The following RIT2 variants were observed in gnomAD, a reference collection of about 807,000 sequenced individuals.
RIT2 encodes the protein Ras like without CAAX 2.
RIT2 carries 24 observed loss-of-function variants against 23.7 expected under a neutral mutation model. The observed-to-expected ratio is 1.01, with a 90% CI of 0.73 to 1.43. The LOEUF is 1.43. Among genes scored for constraint, RIT2 ranks in the 40% most tolerant of loss-of-function variants. The pLI, the probability that RIT2 is intolerant of heterozygous loss-of-function variation, is 0.00. For missense variants in RIT2, 236 were observed against 266.9 expected, an observed-to-expected ratio of 0.88 and a Z score of 0.81; for synonymous variants, 107 against 91.1, an observed-to-expected ratio of 1.17 and a Z score of -0.99.
intron 3 of RIT2, among the ~76,000 whole-genome samples, chr18:42,958,330 T>C (rs1476975615): frequency 6.6e-6 from 1 of 152,168 alleles, no homozygotes; most frequent in African/African-American, 2.4e-5. Flanking sequence ...TAAAAAATTA[T>C]TGACCAAGAT....
chr18:42,984,083 A>G (rs1239495742), intron 2 of RIT2, among the ~76,000 whole-genome samples: 1 of 152,158 alleles, frequency 6.6e-6, no homozygotes, highest in Non-Finnish European at 1.5e-5. Context: ...TCACACATGA[A>G]CACAAAGAAA....
At chr18:42,814,955 C>T (rs1905953748) in intron 4 of RIT2, among the ~76,000 whole-genome samples, 2 of 152,162 alleles carry the variant, frequency 1.3e-5, no homozygotes, top group African/African-American at 2.4e-5. Context: ...CAGGAAGTCA[C>T]ATCCATAGGA....
chr18:43,012,199 C>T (rs1428739288), intron 2 of RIT2, among the ~76,000 whole-genome samples: 1 of 151,812 alleles, frequency 6.6e-6, no homozygotes, highest in Non-Finnish European at 1.5e-5. Context: ...TTACTGCAGA[C>T]TGAGCATTAC....
At chr18:42,755,457 C>T (rs1199538351) in intron 4 of RIT2, among the ~76,000 whole-genome samples, 1 of 152,292 alleles carries the variant, frequency 6.6e-6, no homozygotes, top group South Asian at 2.1e-4. Context: ...ATCACCTCCA[C>T]TGAGACACCT....
intron 1 of RIT2, among the ~76,000 whole-genome samples, 156 bp downstream of exon 1, chr18:43,115,261 A>C (rs1914041238): frequency 6.6e-6 from 1 of 152,162 alleles, no homozygotes; most frequent in Non-Finnish European, 1.5e-5. Flanking sequence ...TCGGTTTAAC[A>C]GTCCTGACAC....
chr18:42,897,249 T>TGA (rs762854080), intron 4 of RIT2, among the ~76,000 whole-genome samples: 52 of 152,108 alleles, frequency 3.4e-4, no homozygotes, highest in African/African-American at 1.2e-3. Flanking sequence ...GTTTCAGTCC[T>TGA]GAGAGAGAGA....
intron 1 of RIT2, among the ~76,000 whole-genome samples, chr18:43,042,973 A>G (rs1444932908): frequency 6.6e-6 from 1 of 152,200 alleles, no homozygotes; most frequent in South Asian, 2.1e-4. Context: ...ATTTTCCACT[A>G]TTAAATAACT....
At chr18:42,939,671 T>A (rs1276677404) in intron 3 of RIT2, among the ~76,000 whole-genome samples, 1 of 152,052 alleles carries the variant, frequency 6.6e-6, no homozygotes, top group Non-Finnish European at 1.5e-5. Context: ...TATAAAGTTT[T>A]TTTGCAAAGA....
At chr18:43,047,314 G>A (rs1038799861) in intron 1 of RIT2, among the ~76,000 whole-genome samples, 2 of 151,724 alleles carry the variant, frequency 1.3e-5, no homozygotes, top group Admixed American at 1.3e-4. Context: ...TCTAGAACTT[G>A]CTGTCATTTT....
intron 1 of RIT2, among the ~76,000 whole-genome samples, chr18:43,083,904 G>A (rs1273971432): frequency 1.4e-4 from 21 of 151,780 alleles, no homozygotes; most frequent in Admixed American, 1.4e-3. Flanking sequence ...TAAATGAAAG[G>A]GCTTCTGCAC....
At chr18:42,916,412 GCT>G (rs1289406908) in intron 4 of RIT2, among the ~76,000 whole-genome samples, 1 of 152,054 alleles carries the variant, frequency 6.6e-6, no homozygotes, top group African/African-American at 2.4e-5. Context: ...TTTCTTCAAG[GCT>G]CTCTTAGGCA....
intron 1 of RIT2, among the ~76,000 whole-genome samples, chr18:43,038,666 C>T (rs1200849205): frequency 4.6e-5 from 7 of 152,044 alleles, no homozygotes; most frequent in Non-Finnish European, 8.8e-5. Context: ...CATCTACACA[C>T]GATTATTTGA....
intron 4 of RIT2, among the ~76,000 whole-genome samples, chr18:42,780,770 T>A (rs1234719950): frequency 6.6e-6 from 1 of 151,950 alleles, no homozygotes; most frequent in East Asian, 1.9e-4. Context: ...GAAAGTGTAA[T>A]GCGCCATGTC....
At chr18:42,927,817 C>T (rs190602675) in intron 3 of RIT2, among the ~76,000 whole-genome samples, 2 of 151,998 alleles carry the variant, frequency 1.3e-5, no homozygotes, top group Admixed American at 6.6e-5. Flanking sequence ...GATATACTCC[C>T]TTGTATTAAA....
At chr18:42,756,212 GC>G (rs1364520332) in intron 4 of RIT2, among the ~76,000 whole-genome samples, 2 of 152,136 alleles carry the variant, frequency 1.3e-5, no homozygotes, top group African/African-American at 4.8e-5. Flanking sequence ...TTTTTAAAAA[GC>G]CTATTTCTTG....
rs1345583352 is a variant in RIT2 at position 42,743,519 on chromosome 18, T to A, written c.628A>T (p.Lys210Ter). 1 of 1,613,742 alleles carries A rather than the reference T, an allele frequency of 6.2e-7. No homozygotes were observed. Among genetic ancestry groups the A allele is most frequent in the Admixed American group, 1.7e-5 (1 of 60,012 alleles). ...CATGTCATATTTTCTCTCTTCTTCT[T>A]CAAAGAACCTTTGAGCTTCTTCCAC... ...SLWKKLKGSL[K>*]KKRENMT The change falls in exon 5 of 5, where the codon AAG becomes TAG. Residue 210 changes from lysine to a stop codon, truncating the protein, a stop_gained. Transcript: ENST00000326695. LOFTEE classifies it high-confidence loss of function.
chr18:42,814,720 A>G (rs1388884914), intron 4 of RIT2, among the ~76,000 whole-genome samples: 3 of 152,174 alleles, frequency 2.0e-5, no homozygotes, highest in Admixed American at 1.3e-4. Context: ...ACCACAGCTG[A>G]TGCTTTCTGG....
chr18:42,895,086 G>C (rs487908), intron 4 of RIT2, among the ~76,000 whole-genome samples: 2 of 152,058 alleles, frequency 1.3e-5, no homozygotes, highest in Non-Finnish European at 2.9e-5. Flanking sequence ...TTTATGATAA[G>C]AAATTAATTA....
At chr18:42,915,062 A>C (rs1217328891) in intron 4 of RIT2, among the ~76,000 whole-genome samples, 1 of 151,796 alleles carries the variant, frequency 6.6e-6, no homozygotes, top group Non-Finnish European at 1.5e-5. Context: ...GATTCTGAGT[A>C]TTTGTAGTTC....
Sources: allele counts gnomAD v4.1 joint callset (sites outside exome capture counted in the v4.1 genomes callset), GRCh38; gene constraint gnomAD v4.1.1; transcripts MANE v1.5; gene names NCBI Gene and HGNC (gene_info 2026-07-23, HGNC 2026-07-21).